Variants in GXYLT2 observed in about 807,000 individuals in gnomAD.
GXYLT2 encodes glycosyltransferase 8 domain containing 4.
GXYLT2 carries 53 observed loss-of-function variants against 45.8 expected under a neutral mutation model. That is an observed-to-expected ratio of 1.16 (90% CI 0.93 to 1.46). The LOEUF is 1.46. Ranked by LOEUF, GXYLT2 falls within the 40% of genes most tolerant of loss-of-function variation. The probability of loss-of-function intolerance (pLI) is 0.00; values close to 1 mark genes in which losing one functional copy is unlikely to be tolerated. For missense variants in GXYLT2, 551 were observed against 544.4 expected (o/e 1.01, Z -0.12); for synonymous variants, 219 against 214.2 (o/e 1.02, Z -0.19).
intron 6 of GXYLT2, among the ~76,000 whole-genome samples, chr3:72,974,582 C>A (rs1292284932): frequency 6.6e-6 from 1 of 152,054 alleles, no homozygotes; most frequent in Non-Finnish European, 1.5e-5. Flanking sequence ...GATTGTAAGA[C>A]CCTTAAGGAC....
intron 2 of GXYLT2, among the ~76,000 whole-genome samples, chr3:72,914,613 G>T (rs1277634262): frequency 6.6e-6 from 1 of 152,102 alleles, no homozygotes; most frequent in Non-Finnish European, 1.5e-5. Flanking sequence ...GTGTGAGGGG[G>T]TGGCAAGAAG....
chr3:72,943,067 A>G (rs956707653), intron 3 of GXYLT2, among the ~76,000 whole-genome samples: 2 of 152,174 alleles, frequency 1.3e-5, no homozygotes, highest in African/African-American at 4.8e-5. Flanking sequence ...AAAATTTAAA[A>G]ACACAGCCAG....
chr3:72,934,749 G>A (rs1443544290), intron 3 of GXYLT2, among the ~76,000 whole-genome samples: 1 of 152,170 alleles, frequency 6.6e-6, no homozygotes, highest in Non-Finnish European at 1.5e-5. Flanking sequence ...GGAGAATCCA[G>A]GCACAGTTAA....
chr3:72,888,484 C>A lies in GXYLT2; in HGVS notation c.251C>A (p.Ala84Asp). ...CGCCCCCGAGCGGGCCGCCGGGGCG[C>A]TGCGAGACTGGAGAAGTTGGCGAGG... ...RPRPRAGRRGAARLEKLARRP... is the reference protein window; with the variant it reads ...RPRPRAGRRGDARLEKLARRP... The change falls in exon 1 of 7, where the codon GCT becomes GAT. Residue 84 changes from alanine to aspartate, a missense_variant. Coordinates refer to ENST00000389617, the MANE Select transcript of GXYLT2 (RefSeq NM_001080393.2). The A allele has an allele frequency of 1.6e-6, 2 of 1,252,904 alleles. No individual in the cohort carries two copies. Among genetic ancestry groups the A allele is most frequent in the South Asian group, 2.4e-5 (1 of 41,186 alleles). The allele number at this position is 1,252,904 out of a possible 1,614,324, so 77.6% of individuals were successfully genotyped here.
rs138901322 is a variant in GXYLT2 at position 72,917,397 on chromosome 3, A to C, written c.469-4807A>C. Reference sequence around the variant, plus strand: ...TATGCCTAGCGTCAGTTCTAATGGGATCTGTGCAATTATACTGGGTAAATA... The same window carrying C: ...TATGCCTAGCGTCAGTTCTAATGGGCTCTGTGCAATTATACTGGGTAAATA... On this transcript the variant is annotated intron_variant, in intron 2 of 6. Transcript: ENST00000389617. Among the ~76,000 whole-genome samples the C allele has an allele frequency of 3.3e-3, 498 of 152,184 alleles. 3 individuals carry two copies. The highest frequency in any genetic ancestry group is 0.011 in the African/African-American group (472 of 41,498).
chr3:72,910,625 G>C (rs546686153), intron 2 of GXYLT2, among the ~76,000 whole-genome samples: 1 of 152,318 alleles, frequency 6.6e-6, no homozygotes, highest in South Asian at 2.1e-4. Context: ...AGCCTCTTAG[G>C]TTTGGGACGG....
chr3:72,971,529 A>G (rs573668191), intron 6 of GXYLT2, among the ~76,000 whole-genome samples: 2 of 152,284 alleles, frequency 1.3e-5, no homozygotes, highest in East Asian at 3.9e-4. Context: ...GCTGGGCCTC[A>G]GTTTTTTCAT....
At chr3:72,929,940 G>A (rs566984566) in intron 3 of GXYLT2, among the ~76,000 whole-genome samples, 14 of 152,300 alleles carry the variant, frequency 9.2e-5, no homozygotes, top group African/African-American at 3.4e-4. Flanking sequence ...GCCAAGGCAG[G>A]TGGATCACCT....
intron 1 of GXYLT2, among the ~76,000 whole-genome samples, chr3:72,900,710 A>T (rs13088835): frequency 0.28 from 42,899 of 151,682 alleles, 6,469 homozygotes; most frequent in Non-Finnish European, 0.34. Flanking sequence ...GAGTTACCAC[A>T]CCCAGCCCAC....
At chr3:72,930,220 C>T (rs886473674) in intron 3 of GXYLT2, among the ~76,000 whole-genome samples, 4 of 151,684 alleles carry the variant, frequency 2.6e-5, no homozygotes, top group African/African-American at 9.7e-5. Context: ...AGAATACAGT[C>T]GAACTGTGTG....
rs1472865813 is a variant in GXYLT2 at position 72,957,329 on chromosome 3, A to C, written c.953A>C (p.Asn318Thr). 2 of 1,612,504 alleles carry C rather than the reference A, an allele frequency of 1.2e-6. No individual in the cohort carries two copies. Among genetic ancestry groups the C allele is most frequent in the Non-Finnish European group, 8.5e-7 (1 of 1,179,120 alleles). ...ACGTGGGGAGACCAGGATTTATTAA[A>C]TATTATTTTTTATTTCAACCCAGGT... The part of the protein sequence containing the change: ...AITWGDQDLL[N>T]IIFYFNPECL... Residue 318 changes from asparagine (N) to threonine (T), a missense_variant, in exon 5 of 7, where the codon AAT becomes ACT. Coordinates refer to ENST00000389617, the MANE Select transcript of GXYLT2 (RefSeq NM_001080393.2).
At chr3:72,889,969 GA>G (rs1476781095) in intron 1 of GXYLT2, among the ~76,000 whole-genome samples, 1 of 146,358 alleles carries the variant, frequency 6.8e-6, no homozygotes, top group East Asian at 2.0e-4. Context: ...GCCGTGCTGC[GA>G]TCTCTGCTCA....
intron 1 of GXYLT2, among the ~76,000 whole-genome samples, chr3:72,904,981 GGAGGTTGCAGTGAGCT>G (rs1366844450): frequency 9.5e-5 from 14 of 147,498 alleles, no homozygotes; most frequent in African/African-American, 1.5e-4. Context: ...CCTGGGAAAT[GGAGGTTGCAGTGAGCT>G]GAGGTTGCAG....
chr3:72,914,906 C>G (rs7649077), intron 2 of GXYLT2, among the ~76,000 whole-genome samples: 43 of 152,104 alleles, frequency 2.8e-4, no homozygotes, highest in Admixed American at 4.6e-4. Flanking sequence ...CTGAATTGGG[C>G]CAGACGCAGT....
intron 1 of GXYLT2, chr3:72,908,118 C>A: frequency 2.7e-6 from 1 of 367,382 alleles, no homozygotes; most frequent in South Asian, 6.3e-5. Context: ...TGAGTGCTGG[C>A]AGAAAAAGCC....
At chr3:72,968,426 AG>A (rs1201606481) in intron 6 of GXYLT2, among the ~76,000 whole-genome samples, 1 of 152,244 alleles carries the variant, frequency 6.6e-6, no homozygotes, top group Admixed American at 6.5e-5. Context: ...TTACTCAATC[AG>A]GGGTCAAGGT....
chr3:72,913,751 G>A (rs1709680142), intron 2 of GXYLT2, among the ~76,000 whole-genome samples: 1 of 152,068 alleles, frequency 6.6e-6, no homozygotes, highest in Non-Finnish European at 1.5e-5. Context: ...GTATACTACC[G>A]TCACTTTCTT....
At chr3:72,951,036 A>G (rs1710514257) in intron 3 of GXYLT2, among the ~76,000 whole-genome samples, 1 of 152,186 alleles carries the variant, frequency 6.6e-6, no homozygotes, top group African/African-American at 2.4e-5. Flanking sequence ...GTGCTGGCTA[A>G]TTTCCATAAA....
intron 6 of GXYLT2, among the ~76,000 whole-genome samples, chr3:72,973,055 C>T (rs1711026229): frequency 6.6e-6 from 1 of 152,104 alleles, no homozygotes; most frequent in Admixed American, 6.6e-5. Flanking sequence ...GTGATTGCCC[C>T]TCTGTACTCC....
Sources: allele counts gnomAD v4.1 joint callset (sites outside exome capture counted in the v4.1 genomes callset), GRCh38; gene constraint gnomAD v4.1.1; transcripts MANE v1.5; gene names NCBI Gene and HGNC (gene_info 2026-07-23, HGNC 2026-07-21).